The following MARCHF1 variants were observed in gnomAD, a reference collection of about 807,000 sequenced individuals.
MARCHF1 encodes the protein E3 ubiquitin-protein ligase MARCHF1.
A neutral mutation model predicts 54.2 loss-of-function variants in MARCHF1; 40 were observed. The ratio of observed to expected loss-of-function variants is 0.74; its 90% confidence interval spans 0.57 to 0.96. The LOEUF is 0.96. MARCHF1 is among the 40% of genes least tolerant of loss of function. The pLI is 0.00. For missense variants in MARCHF1, 586 were observed against 656.5 expected, an observed-to-expected ratio of 0.89 and a Z score of 1.17; for synonymous variants, 236 against 236.3, an observed-to-expected ratio of 1.00 and a Z score of 0.01.
At chr4:163,696,344 T>C (rs1035226003) in intron 5 of MARCHF1, among the ~76,000 whole-genome samples, 3 of 152,194 alleles carry the variant, frequency 2.0e-5, no homozygotes, top group African/African-American at 7.2e-5. Flanking sequence ...CAAGATCATG[T>C]TTATAAGACA....
chr4:164,102,596 C>A (rs1457298750), intron 2 of MARCHF1, among the ~76,000 whole-genome samples: 3 of 151,040 alleles, frequency 2.0e-5, no homozygotes, highest in Non-Finnish European at 3.0e-5. Flanking sequence ...GCCTGCCTTA[C>A]AAGAGCTCCT....
intron 3 of MARCHF1, among the ~76,000 whole-genome samples, chr4:163,962,635 T>C (rs1460409848): frequency 2.0e-5 from 3 of 151,950 alleles, no homozygotes; most frequent in Non-Finnish European, 4.4e-5. Flanking sequence ...TTAGAAATTG[T>C]TTAAGGCATA....
chr4:163,632,527 C>T (rs1403721732), intron 5 of MARCHF1, among the ~76,000 whole-genome samples: 5 of 152,200 alleles, frequency 3.3e-5, no homozygotes, highest in African/African-American at 9.7e-5. Flanking sequence ...CCGAATACTG[C>T]GCTTTTCCGA....
In MARCHF1 at chr4:164,283,456, C is replaced by T. The variant is rs762910960; in HGVS notation, c.-323+100414G>A. 2.0e-4 allele frequency among the ~76,000 whole-genome samples: 30 copies of T among 150,754 alleles called. 1 individual carries two copies. The highest frequency in any genetic ancestry group is 4.0e-4 in the Non-Finnish European group (27 of 67,944). On this transcript the variant is annotated intron_variant, in intron 1 of 9. Transcript: ENST00000514618. ...TTCCTAGCCTGCCTCAAGAAAGATG[C>T]CTGGAAAAACTGAAAAAAAGACAGT...
intron 5 of MARCHF1, among the ~76,000 whole-genome samples, chr4:163,639,032 G>A (rs1484664203): frequency 6.6e-6 from 1 of 152,016 alleles, no homozygotes; most frequent in Non-Finnish European, 1.5e-5. Flanking sequence ...AGACTGGAGG[G>A]CAGTGGGGGA....
At chr4:164,037,012 A>G (rs971078521) in intron 2 of MARCHF1, among the ~76,000 whole-genome samples, 89 of 152,334 alleles carry the variant, frequency 5.8e-4, no homozygotes, top group African/African-American at 2.1e-3. Context: ...ACAGGATTTC[A>G]TGATTAATTT....
At chr4:164,095,310 A>G (rs1392690544) in intron 2 of MARCHF1, among the ~76,000 whole-genome samples, 1 of 152,064 alleles carries the variant, frequency 6.6e-6, no homozygotes, top group African/African-American at 2.4e-5. Context: ...AAGCATAGTA[A>G]TAGCATATAT....
intron 1 of MARCHF1, among the ~76,000 whole-genome samples, chr4:164,176,636 A>G (rs1480735219): frequency 6.6e-6 from 1 of 152,094 alleles, no homozygotes. Flanking sequence ...GAATTTGGGA[A>G]TCTAAGATGC....
chr4:163,939,501 A>G (rs1216409743), intron 3 of MARCHF1, among the ~76,000 whole-genome samples: 1 of 152,120 alleles, frequency 6.6e-6, no homozygotes, highest in Non-Finnish European at 1.5e-5. Flanking sequence ...GGTCTGTGAT[A>G]ATCACTCTTC....
chr4:163,642,001 C>G (rs575272235), intron 5 of MARCHF1, among the ~76,000 whole-genome samples: 26 of 152,170 alleles, frequency 1.7e-4, no homozygotes, highest in African/African-American at 6.0e-4. Flanking sequence ...TCACAAACCT[C>G]CATCTCCACT....
At chr4:163,645,302 C>T (rs1030222807) in intron 5 of MARCHF1, among the ~76,000 whole-genome samples, 1 of 152,172 alleles carries the variant, frequency 6.6e-6, no homozygotes, top group Non-Finnish European at 1.5e-5. Flanking sequence ...AGCCATGTGA[C>T]CTGACTCCAG....
At chr4:163,830,517 T>G (rs1378066202) in intron 4 of MARCHF1, among the ~76,000 whole-genome samples, 1 of 152,144 alleles carries the variant, frequency 6.6e-6, no homozygotes, top group Non-Finnish European at 1.5e-5. Context: ...ACTGGCTCAC[T>G]CATTCTCTAT....
intron 3 of MARCHF1, among the ~76,000 whole-genome samples, chr4:163,985,626 C>G (rs1239917919): frequency 1.3e-5 from 2 of 152,040 alleles, no homozygotes; most frequent in Non-Finnish European, 2.9e-5. Context: ...TTCTTTTCTT[C>G]ATATGGCTTA....
chr4:163,545,835 A>T, intron 8 of MARCHF1, 92 bp from the exon 9 acceptor site: 2 of 1,059,428 alleles, frequency 1.9e-6, no homozygotes, highest in Non-Finnish European at 2.8e-6. Context: ...TGAATGGAAG[A>T]AAAACAGTAA....
At chr4:163,797,389 A>AT (rs1747949318) in intron 4 of MARCHF1, among the ~76,000 whole-genome samples, 2 of 150,664 alleles carry the variant, frequency 1.3e-5, no homozygotes, top group African/African-American at 2.4e-5. Flanking sequence ...TCCATGTGAG[A>AT]TTTTTTGGGC....
chr4:163,869,169 T>A (rs1750117954), intron 3 of MARCHF1, among the ~76,000 whole-genome samples: 1 of 151,924 alleles, frequency 6.6e-6, no homozygotes, highest in Non-Finnish European at 1.5e-5. Flanking sequence ...CATGTGTAGT[T>A]CAAAGACTAC....
At chr4:163,848,645 A>C (rs1227815733) in intron 4 of MARCHF1, among the ~76,000 whole-genome samples, 1 of 152,184 alleles carries the variant, frequency 6.6e-6, no homozygotes, top group African/African-American at 2.4e-5. Flanking sequence ...TTTAATGAGT[A>C]AAATTGTGTT....
chr4:164,075,882 G>A (rs1754966432), intron 2 of MARCHF1, among the ~76,000 whole-genome samples: 2 of 152,028 alleles, frequency 1.3e-5, no homozygotes, highest in African/African-American at 2.4e-5. Context: ...ATGCATATAG[G>A]AGCCTATAAG....
intron 2 of MARCHF1, among the ~76,000 whole-genome samples, chr4:164,017,272 A>G (rs1022544765): frequency 6.6e-6 from 1 of 152,088 alleles, no homozygotes; most frequent in South Asian, 2.1e-4. Context: ...ATGTTCAATC[A>G]CATTATTTCT....
Sources: allele counts gnomAD v4.1 joint callset (sites outside exome capture counted in the v4.1 genomes callset), GRCh38; gene constraint gnomAD v4.1.1; transcripts MANE v1.5; gene names NCBI Gene and HGNC (gene_info 2026-07-23, HGNC 2026-07-21).